SMCO4: variants seen among roughly 807,000 people sequenced by gnomAD.
SMCO4 encodes the protein single-pass membrane protein with coiled-coil domains 4.
SMCO4 carries 4 observed loss-of-function variants against 3.6 expected under a neutral mutation model. That is an observed-to-expected ratio of 1.11 (90% CI 0.54 to 2.53). SMCO4 has a LOEUF of 2.53. Among genes scored for constraint, SMCO4 ranks in the 30% most tolerant of loss-of-function variants. The pLI, the probability that SMCO4 is intolerant of heterozygous loss-of-function variation, is 0.02. For missense variants in SMCO4, 70 were observed against 80.8 expected (o/e 0.87, Z 0.51); for synonymous variants, 36 against 35.3 (o/e 1.02, Z -0.07).
At chr11:93,525,176 T>A (rs953041129) in intron 1 of SMCO4, among the ~76,000 whole-genome samples, 1 of 152,208 alleles carries the variant, frequency 6.6e-6, no homozygotes, top group Non-Finnish European at 1.5e-5. Context: ...ACCACTGTGC[T>A]ATGCAGCAAA....
chr11:93,519,643 C>T (rs1485527989), intron 1 of SMCO4, among the ~76,000 whole-genome samples: 2 of 152,132 alleles, frequency 1.3e-5, no homozygotes, highest in Admixed American at 6.6e-5. Flanking sequence ...AAAGTTCGAA[C>T]TAAAACCAAG....
At chr11:93,481,450 G>A (rs1271966074) in intron 2 of SMCO4, 24 of 985,334 alleles carry the variant, frequency 2.4e-5, no homozygotes, top group Non-Finnish European at 2.7e-5. Context: ...ACCGTGGTGA[G>A]GATGGAGTAG....
At chr11:93,504,342 C>A (rs1448552050) in intron 1 of SMCO4, among the ~76,000 whole-genome samples, 2 of 152,184 alleles carry the variant, frequency 1.3e-5, no homozygotes, top group African/African-American at 4.8e-5. Context: ...CAGACTCTGG[C>A]AGGAAGATGA....
intron 1 of SMCO4, among the ~76,000 whole-genome samples, chr11:93,503,543 T>C (rs974802813): frequency 5.3e-5 from 8 of 152,206 alleles, no homozygotes; most frequent in African/African-American, 1.2e-4. Context: ...GTAGACATGA[T>C]TAAGTCAAGA....
intron 2 of SMCO4, among the ~76,000 whole-genome samples, chr11:93,492,347 T>C (rs1948727125): frequency 6.6e-6 from 1 of 152,222 alleles, no homozygotes; most frequent in Non-Finnish European, 1.5e-5. Flanking sequence ...ATCTGATCAT[T>C]CATTGATTCA....
upstream of SMCO4, among the ~76,000 whole-genome samples, chr11:93,546,063 G>A (rs756149821): frequency 3.3e-5 from 5 of 152,168 alleles, no homozygotes; most frequent in Non-Finnish European, 7.3e-5. Flanking sequence ...ATAAAATGGT[G>A]GTTGTTTCAA....
At chr11:93,483,276 G>A (rs1003755968) in intron 2 of SMCO4, among the ~76,000 whole-genome samples, 2 of 152,204 alleles carry the variant, frequency 1.3e-5, no homozygotes, top group African/African-American at 4.8e-5. Context: ...CACTGTCCAT[G>A]CCCGCCTCCC....
At chr11:93,483,691 T>G (rs1349065441) in intron 2 of SMCO4, among the ~76,000 whole-genome samples, 1 of 152,076 alleles carries the variant, frequency 6.6e-6, no homozygotes, top group African/African-American at 2.4e-5. Flanking sequence ...CTCCAAGGGG[T>G]CTCTGTCCCT....
intron 1 of SMCO4, among the ~76,000 whole-genome samples, chr11:93,529,746 T>C (rs1949145350): frequency 6.6e-6 from 1 of 152,206 alleles, no homozygotes; most frequent in Non-Finnish European, 1.5e-5. Flanking sequence ...CTGGGCAAAC[T>C]GAACCGACGA....
intron 1 of SMCO4, among the ~76,000 whole-genome samples, chr11:93,533,152 A>C (rs1364650542): frequency 6.6e-6 from 1 of 152,204 alleles, no homozygotes; most frequent in Non-Finnish European, 1.5e-5. Flanking sequence ...ACTGACTGCC[A>C]CACCAGTCCC....
At chr11:93,504,241 G>A (rs1025233263) in intron 1 of SMCO4, among the ~76,000 whole-genome samples, 1 of 152,184 alleles carries the variant, frequency 6.6e-6, no homozygotes, top group Non-Finnish European at 1.5e-5. Flanking sequence ...TTCAATCTCA[G>A]AGCAACACCA....
chr11:93,506,288 C>T (rs998376157), intron 1 of SMCO4, among the ~76,000 whole-genome samples: 2 of 152,140 alleles, frequency 1.3e-5, no homozygotes, highest in Admixed American at 6.5e-5. Context: ...CTGGGAGTCC[C>T]GCCAGGTCAA....
intron 1 of SMCO4, among the ~76,000 whole-genome samples, chr11:93,530,660 T>A (rs1949153712): frequency 6.6e-6 from 1 of 152,086 alleles, no homozygotes; most frequent in South Asian, 2.1e-4. Context: ...TCCCAACCTC[T>A]CCCTTTCCTC....
At chr11:93,482,163 T>C (rs1475058386) in intron 2 of SMCO4, among the ~76,000 whole-genome samples, 2 of 152,246 alleles carry the variant, frequency 1.3e-5, no homozygotes, top group African/African-American at 4.8e-5. Flanking sequence ...GCAGCGTCTC[T>C]GCTCTCACTC....
chr11:93,544,984 G>A (rs979754992), upstream of SMCO4, among the ~76,000 whole-genome samples: 4 of 152,208 alleles, frequency 2.6e-5, no homozygotes, highest in Non-Finnish European at 4.4e-5. Context: ...CTTCAAAGGA[G>A]TTTGAGCTGT....
intron 1 of SMCO4, among the ~76,000 whole-genome samples, chr11:93,533,338 C>T (rs1949180871): frequency 6.6e-6 from 1 of 152,222 alleles, no homozygotes; most frequent in Non-Finnish European, 1.5e-5. Flanking sequence ...ATCTCAACCT[C>T]ATCTCACAAG....
At chr11:93,528,088 G>A (rs574965479) in intron 1 of SMCO4, among the ~76,000 whole-genome samples, 1 of 151,884 alleles carries the variant, frequency 6.6e-6, no homozygotes, top group Admixed American at 6.6e-5. Context: ...TAGTTATAAA[G>A]ACAGTACATG....
At chr11:93,496,154 T>C (rs748485919) in intron 2 of SMCO4, among the ~76,000 whole-genome samples, 110 of 151,932 alleles carry the variant, frequency 7.2e-4, no homozygotes, top group Non-Finnish European at 1.2e-3. Context: ...GGGTCCAAAT[T>C]GATGAGAGGA....
intron 2 of SMCO4, among the ~76,000 whole-genome samples, chr11:93,497,659 G>T (rs1418270539): frequency 6.6e-6 from 1 of 151,628 alleles, no homozygotes; most frequent in South Asian, 2.1e-4. Flanking sequence ...AGATGGTTGG[G>T]GGGAACTGAA....
Sources: allele counts gnomAD v4.1 joint callset (sites outside exome capture counted in the v4.1 genomes callset), GRCh38; gene constraint gnomAD v4.1.1; transcripts MANE v1.5; gene names NCBI Gene and HGNC (gene_info 2026-07-23, HGNC 2026-07-21).